Variants in PHTF1 observed in about 807,000 individuals in gnomAD.
The protein encoded by PHTF1 is protein PHTF1.
In PHTF1, 88 loss-of-function variants were observed where a neutral mutation model predicts 102.4. The ratio of observed to expected loss-of-function variants is 0.86; its 90% CI spans 0.72 to 1.03. PHTF1 has a LOEUF of 1.03. PHTF1 is among the 50% of genes least tolerant of loss of function. The pLI is 0.00. For synonymous variants in PHTF1, 289 were observed against 305.2 expected (o/e 0.95, Z 0.55); for missense variants, 814 against 909.5 (o/e 0.89, Z 1.35).
intron 11 of PHTF1, 113 bp downstream of exon 11, chr1:113,710,138 GATA>G: frequency 1.3e-6 from 1 of 741,022 alleles, no homozygotes; most frequent in Non-Finnish European, 2.3e-6. Context: ...CTAAACTGGG[GATA>G]ATAATAGTAT....
chr1:113,731,064 A>G (rs900209443), intron 5 of PHTF1, among the ~76,000 whole-genome samples: 52 of 152,228 alleles, frequency 3.4e-4, no homozygotes, highest in Non-Finnish European at 6.2e-4. Context: ...GAAGATGAAA[A>G]AATTTTGGAA....
At chr1:113,745,548 T>C (rs1657098277) in intron 3 of PHTF1, among the ~76,000 whole-genome samples, 1 of 152,120 alleles carries the variant, frequency 6.6e-6, no homozygotes, top group Non-Finnish European at 1.5e-5. Context: ...AGGAACCAGG[T>C]TGCACAGCAG....
intron 2 of PHTF1, 146 bp from the exon 3 acceptor site, chr1:113,757,901 T>G (rs1659119303): frequency 1.6e-6 from 1 of 620,598 alleles, no homozygotes; most frequent in East Asian, 2.8e-5. Flanking sequence ...AAATCAATAC[T>G]TCGAAGGACT....
chr1:113,755,887 C>T (rs112390378), intron 3 of PHTF1, among the ~76,000 whole-genome samples: 14,430 of 143,844 alleles, frequency 0.1, 913 homozygotes, highest in East Asian at 0.28. Context: ...GGTGAAACCC[C>T]GTCTCTACTA....
At position 113,724,794 on chromosome 1, in the gene PHTF1, A is replaced by T; in HGVS notation, c.588T>A (p.Ile196=). Residue 196 remains isoleucine, a synonymous_variant, in exon 7 of 19, where the codon ATT becomes ATA. Coordinates refer to ENST00000369604, the MANE Select transcript of PHTF1 (RefSeq NM_001323043.2). The stretch of plus-strand genomic sequence containing the variant: ...AGATAGTCTCCCAAAAACCACCAAT[A>T]ATGGGTACAGATTCCAAAGTTTCTA... ...RGIETLESVP[I]IGGFWETIFG... 2 of 1,607,760 alleles carry T rather than the reference A, an allele frequency of 1.2e-6. No homozygotes were observed. Among genetic ancestry groups the T allele is most frequent in the Non-Finnish European group, 1.7e-6 (2 of 1,177,966 alleles).
chr1:113,749,320 T>G (rs1050789908), intron 3 of PHTF1, among the ~76,000 whole-genome samples: 1 of 152,224 alleles, frequency 6.6e-6, no homozygotes, highest in South Asian at 2.1e-4. Context: ...CAGTGTGCAA[T>G]GCGTGAAGCA....
At chr1:113,731,522 C>A (rs1557946378) in intron 5 of PHTF1, among the ~76,000 whole-genome samples, 1 of 151,012 alleles carries the variant, frequency 6.6e-6, no homozygotes, top group Non-Finnish European at 1.5e-5. Flanking sequence ...AAGAGTGAGA[C>A]CCCGTCTCTA....
rs558937856 is a variant in PHTF1, at chr1:113,745,569, G to T, written c.103-6770C>A. ...CAGGTTGCACAGCAGGAGGTGAGGG[G>T]CAGGTGAGAGAACAAGGGAAGCTTT... On this transcript the variant is annotated intron_variant, in intron 3 of 18. Coordinates refer to ENST00000369604, the MANE Select transcript of PHTF1 (RefSeq NM_001323043.2). 2.0e-3 allele frequency among the ~76,000 whole-genome samples: 310 copies of T among 152,284 alleles called. 1 individual carries two copies. Among genetic ancestry groups the T allele is most frequent in the South Asian group, 2.1e-3 (10 of 4,824 alleles).
intron 3 of PHTF1, among the ~76,000 whole-genome samples, chr1:113,744,875 G>T (rs1656974279): frequency 6.6e-6 from 1 of 152,000 alleles, no homozygotes; most frequent in Admixed American, 6.6e-5. Flanking sequence ...CTTGAATCAG[G>T]GAGGTGGAAG....
At chr1:113,717,566 T>C (rs765107557) in intron 7 of PHTF1, among the ~76,000 whole-genome samples, 19 of 152,116 alleles carry the variant, frequency 1.2e-4, no homozygotes, top group Non-Finnish European at 2.2e-4. Flanking sequence ...GCAGGAGTAG[T>C]GTATTAGTTC....
At chr1:113,709,377 A>G (rs1186742108) in intron 11 of PHTF1, among the ~76,000 whole-genome samples, 1 of 152,252 alleles carries the variant, frequency 6.6e-6, no homozygotes, top group Non-Finnish European at 1.5e-5. Flanking sequence ...TTTGACAATT[A>G]AACAAATATA....
chr1:113,756,037 A>C (rs1166385069), intron 3 of PHTF1, among the ~76,000 whole-genome samples: 5 of 151,444 alleles, frequency 3.3e-5, no homozygotes, highest in Non-Finnish European at 5.9e-5. Context: ...ACTGCACTCC[A>C]ACCAGGGTGA....
In PHTF1 at chr1:113,738,796, A is replaced by G. The variant is rs1655913482; in HGVS notation, c.106T>C (p.Leu36=). The change falls in exon 4 of 19, where the codon TTG becomes CTG. Residue 36 remains leucine, a synonymous_variant. Coordinates refer to ENST00000369604, the MANE Select transcript of PHTF1 (RefSeq NM_001323043.2). ...CCCATCTTTTTCGGTTTGTTTTTCAAACCCTAGGATAAAACAAAACAAAAA... is the reference window on the plus strand; with the variant it reads ...CCCATCTTTTTCGGTTTGTTTTTCAGACCCTAGGATAAAACAAAACAAAAA... ...KSIEQTQIKG[L]KNKPKKMGHI... is the part of the protein sequence containing the mutation. 6.3e-7 allele frequency: 1 copy of G among 1,591,468 alleles called. No individual in the cohort carries two copies. The highest frequency in any genetic ancestry group is 1.3e-5 in the African/African-American group (1 of 74,170).
intron 5 of PHTF1, among the ~76,000 whole-genome samples, chr1:113,729,710 T>C (rs533538279): frequency 3.9e-5 from 6 of 152,288 alleles, no homozygotes; most frequent in South Asian, 4.1e-4. Context: ...TACCTAAGGA[T>C]GGCTGCTGGT....
At chr1:113,710,899 A>G (rs1001574001) in intron 10 of PHTF1, among the ~76,000 whole-genome samples, 19 of 150,362 alleles carry the variant, frequency 1.3e-4, no homozygotes, top group African/African-American at 4.7e-4. Flanking sequence ...AACAACCTCA[A>G]CCTCTCAAAG....
intron 1 of PHTF1, 53 bp downstream of exon 1, chr1:113,758,970 C>A: frequency 9.2e-7 from 1 of 1,088,486 alleles, no homozygotes; most frequent in Non-Finnish European, 1.1e-6. Flanking sequence ...CAGGGGCCGC[C>A]GCTGGAGTCG....
Position 113,705,997 on chromosome 1 carries a change from G to A in PHTF1, c.1564C>T (p.Pro522Ser). 2 of 1,613,958 alleles carry A rather than the reference G, an allele frequency of 1.2e-6. No homozygotes were observed. Among genetic ancestry groups the A allele is most frequent in the Non-Finnish European group, 1.7e-6 (2 of 1,179,892 alleles). ...GACAAAACAATAATAGGTGTAACAG[G>A]TGGTGCCCCACAAAAGAGAGTCAAG... is the stretch of plus-strand genomic sequence containing the variant. The part of the protein sequence containing the change: ...EILTLFCGAP[P>S]VTPIIVLSII... Residue 522 changes from proline (P) to serine (S), a missense_variant, in exon 13 of 19, where the codon CCT becomes TCT. Coordinates refer to ENST00000369604, the MANE Select transcript of PHTF1 (RefSeq NM_001323043.2).
intron 3 of PHTF1, among the ~76,000 whole-genome samples, chr1:113,741,462 A>G (rs1353663588): frequency 6.6e-6 from 1 of 152,192 alleles, no homozygotes; most frequent in Non-Finnish European, 1.5e-5. Context: ...AAAGGTAAAA[A>G]TATTACTTTT....
In PHTF1 at chr1:113,706,913, A is replaced by G. The variant is rs1371522608; in HGVS notation, c.1270-191T>C. Among the ~76,000 whole-genome samples, 9 of 145,206 alleles carry G rather than the reference A, an allele frequency of 6.2e-5. No homozygotes were observed. In the East Asian group the frequency reaches 1.8e-3, roughly 29 times the overall value. Reference sequence around the variant, plus strand: ...CACTATGTTGCCCAGGCTGGTCTCAAACTCCTGGGCCCAAGCAATCCTCCC... The same window carrying G: ...CACTATGTTGCCCAGGCTGGTCTCAGACTCCTGGGCCCAAGCAATCCTCCC... On this transcript the variant is annotated intron_variant, in intron 11 of 18. Transcript: ENST00000369604.
Sources: gnomAD v4.1 joint callset for allele counts (sites outside exome capture counted in the v4.1 genomes callset) on GRCh38, gnomAD v4.1.1 for gene constraint, MANE v1.5 for transcripts, NCBI Gene and HGNC (gene_info 2026-07-23, HGNC 2026-07-21) for gene names.